Variants in FANCC observed in about 807,000 individuals in gnomAD.
FANCC encodes the protein Fanconi anemia group C protein.
FANCC carries 55 observed loss-of-function variants against 71.3 expected under a neutral mutation model. The ratio of observed to expected loss-of-function variants is 0.77; its 90% CI spans 0.62 to 0.97. The LOEUF (loss-of-function observed/expected upper bound fraction) is 0.97. Ranked by LOEUF, FANCC falls within the 50% of genes least tolerant of loss-of-function variation. The probability of loss-of-function intolerance (pLI) is 0.00; values close to 1 mark genes in which losing one functional copy is unlikely to be tolerated. For missense variants in FANCC, 678 were observed against 670.9 expected, an observed-to-expected ratio of 1.01 and a Z score of -0.12; for synonymous variants, 275 against 244.9, an observed-to-expected ratio of 1.12 and a Z score of -1.15.
At chr9:95,280,851 G>T (rs1412090843) in intron 1 of FANCC, among the ~76,000 whole-genome samples, 3 of 152,136 alleles carry the variant, frequency 2.0e-5, no homozygotes, top group African/African-American at 7.2e-5. Flanking sequence ...TTAACAGAGA[G>T]ATTGAAATAA....
At chr9:95,263,492 GTA>G (rs1554861913) in intron 1 of FANCC, among the ~76,000 whole-genome samples, 1 of 145,440 alleles carries the variant, frequency 6.9e-6, no homozygotes. Flanking sequence ...GTGTGTGTGT[GTA>G]TGTATGTGTA....
At chr9:95,150,110 T>A in intron 6 of FANCC, 23 bp from the exon 7 acceptor site, 1 of 1,613,480 alleles carries the variant, frequency 6.2e-7, no homozygotes, top group Non-Finnish European at 8.5e-7. Flanking sequence ...TAAGAAATAA[T>A]CACTCAAATC....
At chr9:95,273,542 C>A (rs1832857735) in intron 1 of FANCC, among the ~76,000 whole-genome samples, 1 of 152,208 alleles carries the variant, frequency 6.6e-6, no homozygotes, top group Non-Finnish European at 1.5e-5. Flanking sequence ...AGGGTGTCCA[C>A]ATTTCTGCTC....
intron 1 of FANCC, among the ~76,000 whole-genome samples, chr9:95,252,216 G>T (rs1831373296): frequency 7.4e-6 from 1 of 135,690 alleles, no homozygotes; most frequent in African/African-American, 2.8e-5. Flanking sequence ...GGCAGAGGTT[G>T]CAGTGAGCCG....
At chr9:95,282,485 T>A (rs1409637815) in intron 1 of FANCC, among the ~76,000 whole-genome samples, 2 of 152,154 alleles carry the variant, frequency 1.3e-5, no homozygotes, top group Non-Finnish European at 2.9e-5. Context: ...ACAATACTAG[T>A]AGAAGAGTTT....
chr9:95,279,675 C>T (rs1002384814), intron 1 of FANCC, among the ~76,000 whole-genome samples: 1 of 152,052 alleles, frequency 6.6e-6, no homozygotes, highest in Non-Finnish European at 1.5e-5. Flanking sequence ...AGGCTGGACA[C>T]GGTGGCTCAC....
chr9:95,233,205 A>G (rs1251598459), intron 4 of FANCC, among the ~76,000 whole-genome samples: 2 of 152,134 alleles, frequency 1.3e-5, no homozygotes, highest in Non-Finnish European at 2.9e-5. Flanking sequence ...TTATCAATTA[A>G]TCTTTAAAAA....
chr9:95,148,597 T>C (rs1161146527), intron 7 of FANCC, among the ~76,000 whole-genome samples: 3 of 152,226 alleles, frequency 2.0e-5, no homozygotes, highest in Non-Finnish European at 2.9e-5. Flanking sequence ...ATGAGCTCCA[T>C]GGTGGCAGTA....
chr9:95,144,411 C>T (rs1829227505), intron 7 of FANCC, among the ~76,000 whole-genome samples: 1 of 152,188 alleles, frequency 6.6e-6, no homozygotes. Flanking sequence ...CATGCTATCA[C>T]AAGCAAAATT....
chr9:95,154,230 A>G (rs1339151851), intron 6 of FANCC, among the ~76,000 whole-genome samples: 2 of 129,944 alleles, frequency 1.5e-5, no homozygotes, highest in Admixed American at 1.8e-4. Flanking sequence ...AGGGTGACAG[A>G]GCAAGACTCC....
At chr9:95,240,610 T>G in intron 4 of FANCC, 39 bp downstream of exon 4, 1 of 1,472,764 alleles carries the variant, frequency 6.8e-7, no homozygotes, top group Non-Finnish European at 9.5e-7. Flanking sequence ...AATAATCAAT[T>G]TAATTCAAAG....
At chr9:95,256,267 A>G (rs1831651744) in intron 1 of FANCC, among the ~76,000 whole-genome samples, 1 of 152,218 alleles carries the variant, frequency 6.6e-6, no homozygotes. Context: ...GAAATGAAGG[A>G]AAAAATGTTA....
intron 4 of FANCC, among the ~76,000 whole-genome samples, chr9:95,208,769 A>G (rs1245266160): frequency 6.6e-6 from 1 of 152,222 alleles, no homozygotes; most frequent in Non-Finnish European, 1.5e-5. Context: ...TAACAACAGG[A>G]ACTCTCATCC....
At chr9:95,259,904 G>C (rs1417198066) in intron 1 of FANCC, among the ~76,000 whole-genome samples, 1 of 152,158 alleles carries the variant, frequency 6.6e-6, no homozygotes, top group African/African-American at 2.4e-5. Flanking sequence ...CTTCTCAAAA[G>C]AAGACATTTA....
intron 12 of FANCC, 23 bp downstream of exon 12, chr9:95,114,605 TG>T: frequency 3.1e-6 from 5 of 1,600,462 alleles, no homozygotes; most frequent in Non-Finnish European, 4.3e-6. Flanking sequence ...GAAGTAGATT[TG>T]GGAGTGGTCA....
intron 10 of FANCC, 73 bp downstream of exon 10, chr9:95,125,013 G>T: frequency 7.9e-7 from 1 of 1,264,426 alleles, no homozygotes; most frequent in Non-Finnish European, 1.2e-6. Context: ...AAAATAAAGT[G>T]CTCTTGTCCA....
intron 8 of FANCC, among the ~76,000 whole-genome samples, chr9:95,130,291 TGTGTGTGTGA>T: frequency 6.7e-6 from 1 of 148,216 alleles, no homozygotes; most frequent in East Asian, 1.9e-4. Context: ...TCTGTGTGTG[TGTGTGTGTGA>T]GAGAGAGAGA....
chr9:95,186,641 TC>T (rs1826734507), intron 4 of FANCC: 1 of 152,202 alleles, frequency 6.6e-6, no homozygotes, highest in Admixed American at 6.5e-5. Context: ...TCAGTATAAT[TC>T]CACCTATGTG....
Position 95,247,471 on chromosome 9 carries a change from A to T in FANCC, c.211T>A (p.Leu71Met), listed in dbSNP as rs1159035875. 1.2e-6 allele frequency: 2 copies of T among 1,613,866 alleles called. No homozygotes were observed. Among genetic ancestry groups the T allele is most frequent in the Non-Finnish European group, 8.5e-7 (1 of 1,179,848 alleles). ...IERFPTIGQL[L>M]AKACWNPFIL... is the part of the protein sequence containing the mutation. Reference sequence around the variant, plus strand: ...AAAGGATTCCAACAAGCTTTTGCCAACAGTTGACCAATTGTGGGGAATCTT... The same window carrying T: ...AAAGGATTCCAACAAGCTTTTGCCATCAGTTGACCAATTGTGGGGAATCTT... Residue 71 changes from leucine (L) to methionine (M), a missense_variant, in exon 3 of 15, where the codon TTG becomes ATG. Coordinates refer to ENST00000289081, the MANE Select transcript of FANCC (RefSeq NM_000136.3).
Sources: allele counts gnomAD v4.1 joint callset (sites outside exome capture counted in the v4.1 genomes callset), GRCh38; gene constraint gnomAD v4.1.1; transcripts MANE v1.5; gene names NCBI Gene and HGNC (gene_info 2026-07-23, HGNC 2026-07-21).